RABGAP1L: variants seen among roughly 807,000 people sequenced by gnomAD.
RABGAP1L encodes RAB GTPase activating protein 1 like, also known as rab GTPase-activating protein 1-like.
In RABGAP1L, 63 loss-of-function variants were observed where a neutral mutation model predicts 137.7. That is an observed-to-expected ratio of 0.46 (90% confidence interval 0.37 to 0.56). The LOEUF (loss-of-function observed/expected upper bound fraction) is 0.56. Ranked by LOEUF, RABGAP1L falls within the 20% of genes least tolerant of loss-of-function variation. RABGAP1L has a pLI of 0.00. For missense variants in RABGAP1L, 1,095 were observed against 1,244.0 expected (o/e 0.88, Z 1.80); for synonymous variants, 431 against 433.7 (o/e 0.99, Z 0.08).
At chr1:174,319,463 C>T (rs1223594476) in intron 11 of RABGAP1L, among the ~76,000 whole-genome samples, 10 of 152,070 alleles carry the variant, frequency 6.6e-5, no homozygotes, top group Non-Finnish European at 1.0e-4. Flanking sequence ...GAAATTTCTG[C>T]ATATGTCATT....
chr1:174,438,395 C>T lies in RABGAP1L; in HGVS notation c.1710+44250C>T, dbSNP rs145344096. ...TGAAGATCAATTTGAGAAAAATTGA[C>T]GTTCTTAACAATATTGATTCTCCCA... On this transcript the variant is annotated intron_variant, in intron 13 of 25. Transcript: ENST00000681986. Among the ~76,000 whole-genome samples the T allele has an allele frequency of 4.3e-3, 658 of 152,094 alleles. 8 individuals are homozygous for T. The highest frequency in any genetic ancestry group is 0.03 in the South Asian group (145 of 4,818).
At chr1:174,430,906 T>A (rs1198806527) in intron 13 of RABGAP1L, among the ~76,000 whole-genome samples, 1 of 152,208 alleles carries the variant, frequency 6.6e-6, no homozygotes. Flanking sequence ...GAGTCATAGA[T>A]GTTGCATTTC....
chr1:174,191,041 G>A (rs1414871202), intron 1 of RABGAP1L, among the ~76,000 whole-genome samples: 1 of 152,104 alleles, frequency 6.6e-6, no homozygotes, highest in Non-Finnish European at 1.5e-5. Flanking sequence ...GCGGTTTGTG[G>A]CACCTGTAAA....
At chr1:174,543,103 A>G (rs889380352) in intron 13 of RABGAP1L, among the ~76,000 whole-genome samples, 1 of 152,170 alleles carries the variant, frequency 6.6e-6, no homozygotes, top group Admixed American at 6.5e-5. Flanking sequence ...GTAGGTGTCT[A>G]TTAGATCTGG....
At chr1:174,867,245 G>T (rs956153774) in intron 19 of RABGAP1L, among the ~76,000 whole-genome samples, 14 of 152,016 alleles carry the variant, frequency 9.2e-5, no homozygotes, top group African/African-American at 3.4e-4. Context: ...GCCGGGTGTG[G>T]TGGTGTGCGC....
intron 18 of RABGAP1L, among the ~76,000 whole-genome samples, chr1:174,791,153 T>C (rs1687830264): frequency 1.3e-5 from 2 of 150,272 alleles, no homozygotes; most frequent in South Asian, 4.2e-4. Context: ...ATCGTGCCAT[T>C]GCACTCCAGC....
chr1:174,660,769 C>A (rs911936803), intron 14 of RABGAP1L, among the ~76,000 whole-genome samples: 1 of 152,182 alleles, frequency 6.6e-6, no homozygotes, highest in African/African-American at 2.4e-5. Context: ...CTCTCTGAAT[C>A]CCTTGCTCAA....
intron 19 of RABGAP1L, among the ~76,000 whole-genome samples, chr1:174,906,553 G>A (rs1659122069): frequency 6.6e-6 from 1 of 152,016 alleles, no homozygotes; most frequent in Non-Finnish European, 1.5e-5. Context: ...GCTGGAATCT[G>A]GGAGGCAGAG....
intron 13 of RABGAP1L, among the ~76,000 whole-genome samples, chr1:174,531,755 G>C (rs1020184667): frequency 8.0e-6 from 1 of 124,586 alleles, no homozygotes; most frequent in East Asian, 3.2e-4. Context: ...GGGGTGGGGG[G>C]GGGGAAGATA....
intron 11 of RABGAP1L, among the ~76,000 whole-genome samples, chr1:174,316,342 GT>G (rs1290026996): frequency 6.6e-6 from 1 of 152,112 alleles, no homozygotes; most frequent in Non-Finnish European, 1.5e-5. Flanking sequence ...GGTATTTACT[GT>G]AGTTTTCACT....
At chr1:174,774,481 G>A (rs373532664) in intron 18 of RABGAP1L, among the ~76,000 whole-genome samples, 4 of 151,786 alleles carry the variant, frequency 2.6e-5, no homozygotes, top group East Asian at 3.9e-4. Flanking sequence ...ATTGCACTCC[G>A]GTGATCACAC....
At chr1:174,811,742 A>G in intron 18 of RABGAP1L, 90 bp from the exon 19 acceptor site, 1 of 1,271,968 alleles carries the variant, frequency 7.9e-7, no homozygotes. Flanking sequence ...CTATAAAAGT[A>G]TATTCAAGAA....
At chr1:174,577,033 A>G (rs534899588) in intron 13 of RABGAP1L, among the ~76,000 whole-genome samples, 11 of 152,172 alleles carry the variant, frequency 7.2e-5, no homozygotes, top group African/African-American at 2.7e-4. Context: ...AAAACAAAAA[A>G]CTAGCTGGGC....
chr1:174,957,809 C>T (rs1343563425), intron 20 of RABGAP1L: 5 of 1,254,608 alleles, frequency 4.0e-6, no homozygotes, highest in African/African-American at 1.6e-5. Flanking sequence ...TTTAGATGCT[C>T]TCTGATCATG....
chr1:174,561,628 C>A (rs150690318), intron 13 of RABGAP1L, among the ~76,000 whole-genome samples: 2 of 152,122 alleles, frequency 1.3e-5, no homozygotes, highest in Non-Finnish European at 1.5e-5. Context: ...GCTACAGTAA[C>A]GAAAACAGCA....
chr1:174,629,057 A>G (rs1321019960), intron 13 of RABGAP1L, among the ~76,000 whole-genome samples: 1 of 152,182 alleles, frequency 6.6e-6, no homozygotes, highest in Admixed American at 6.5e-5. Context: ...GAATAAGTCT[A>G]AAAAGAAAGG....
At chr1:174,865,210 C>T (rs1189277344) in intron 19 of RABGAP1L, among the ~76,000 whole-genome samples, 1 of 152,168 alleles carries the variant, frequency 6.6e-6, no homozygotes, top group Non-Finnish European at 1.5e-5. Context: ...GGCATGATGG[C>T]ACATGCCTGT....
intron 13 of RABGAP1L, among the ~76,000 whole-genome samples, chr1:174,484,269 A>C (rs1221147932): frequency 1.3e-5 from 2 of 152,016 alleles, no homozygotes; most frequent in Non-Finnish European, 2.9e-5. Flanking sequence ...TCTTCTATAG[A>C]GTTGTTTGAG....
intron 13 of RABGAP1L, among the ~76,000 whole-genome samples, chr1:174,488,829 A>G (rs893298896): frequency 2.0e-5 from 3 of 151,978 alleles, no homozygotes; most frequent in Admixed American, 1.3e-4. Context: ...GGTTAGTTAC[A>G]TATGTATACA....
Sources: gnomAD v4.1 joint callset for allele counts (sites outside exome capture counted in the v4.1 genomes callset) on GRCh38, gnomAD v4.1.1 for gene constraint, MANE v1.5 for transcripts, NCBI Gene and HGNC (gene_info 2026-07-23, HGNC 2026-07-21) for gene names.